FRMD5: variants seen among roughly 807,000 people sequenced by gnomAD.
FRMD5 encodes FERM domain-containing protein 5.
A neutral mutation model predicts 69.0 loss-of-function variants in FRMD5; 20 were observed. The observed-to-expected ratio is 0.29, with a 90% CI of 0.20 to 0.42. FRMD5 has a LOEUF of 0.42. Among genes scored for constraint, FRMD5 ranks in the 10% least tolerant of loss-of-function variants. The pLI, the probability that FRMD5 is intolerant of heterozygous loss-of-function variation, is 1.00. For missense variants in FRMD5, 595 were observed against 708.6 expected, an observed-to-expected ratio of 0.84 and a Z score of 1.82; for synonymous variants, 271 against 260.1, an observed-to-expected ratio of 1.04 and a Z score of -0.40.
At chr15:44,141,723 G>A (rs555674315) in intron 1 of FRMD5, among the ~76,000 whole-genome samples, 104 of 152,218 alleles carry the variant, frequency 6.8e-4, no homozygotes, top group African/African-American at 2.1e-3. Flanking sequence ...CTTGTAATTC[G>A]GAAGCTGCAG....
chr15:44,098,212 C>T (rs2140513431), intron 1 of FRMD5, among the ~76,000 whole-genome samples: 1 of 151,724 alleles, frequency 6.6e-6, no homozygotes, highest in East Asian at 1.9e-4. Context: ...CTTCAATGAA[C>T]AGGAAGCATA....
At chr15:44,079,284 A>C (rs1893899235) in intron 1 of FRMD5, among the ~76,000 whole-genome samples, 1 of 152,142 alleles carries the variant, frequency 6.6e-6, no homozygotes, top group South Asian at 2.1e-4. Flanking sequence ...AAATGTTGTC[A>C]AGGATATGGA....
intron 1 of FRMD5, among the ~76,000 whole-genome samples, chr15:44,021,575 T>C (rs759363588): frequency 6.6e-6 from 1 of 152,146 alleles, no homozygotes; most frequent in Non-Finnish European, 1.5e-5. Context: ...TACCAATCAT[T>C]AGGGAAATGC....
intron 7 of FRMD5, among the ~76,000 whole-genome samples, chr15:43,899,034 A>G (rs1045559369): frequency 5.3e-5 from 8 of 152,140 alleles, no homozygotes; most frequent in Admixed American, 6.5e-5. Flanking sequence ...TTAATTATCA[A>G]AATGATTCCT....
At chr15:44,075,585 T>G (rs755793054) in intron 1 of FRMD5, among the ~76,000 whole-genome samples, 5 of 152,186 alleles carry the variant, frequency 3.3e-5, no homozygotes, top group South Asian at 2.1e-4. Flanking sequence ...TAGACAGTAC[T>G]TTCCTTTTAA....
intron 1 of FRMD5, among the ~76,000 whole-genome samples, chr15:44,006,151 G>A (rs62023704): frequency 2.6e-5 from 4 of 152,122 alleles, no homozygotes; most frequent in Non-Finnish European, 5.9e-5. Flanking sequence ...GAGGCCCAAT[G>A]CTCATTTACC....
intron 1 of FRMD5, among the ~76,000 whole-genome samples, chr15:43,937,980 T>C (rs1046904143): frequency 2.0e-5 from 3 of 152,006 alleles, no homozygotes; most frequent in African/African-American, 7.2e-5. Context: ...GAGCCTACCA[T>C]GTGCAGGCTG....
At chr15:44,092,645 T>C (rs1366699581) in intron 1 of FRMD5, among the ~76,000 whole-genome samples, 1 of 152,180 alleles carries the variant, frequency 6.6e-6, no homozygotes, top group Non-Finnish European at 1.5e-5. Context: ...TATCTCCTAC[T>C]GCACCCTTGC....
intron 1 of FRMD5, among the ~76,000 whole-genome samples, chr15:44,051,582 T>C (rs1892669017): frequency 1.3e-5 from 2 of 152,100 alleles, no homozygotes; most frequent in Admixed American, 1.3e-4. Flanking sequence ...ATCCATACTT[T>C]ATTCACATTT....
chr15:44,174,154 T>C, intron 1 of FRMD5, among the ~76,000 whole-genome samples: 1 of 152,166 alleles, frequency 6.6e-6, no homozygotes, highest in East Asian at 1.9e-4. Context: ...AACCATGCAT[T>C]GCTCACTCAT....
chr15:44,029,285 C>T (rs1478894980), intron 1 of FRMD5, among the ~76,000 whole-genome samples: 3 of 151,300 alleles, frequency 2.0e-5, no homozygotes, highest in African/African-American at 7.3e-5. Context: ...CTGTTTAAAG[C>T]CCTTCGGATA....
At chr15:43,891,188 G>A (rs1363964391) in intron 8 of FRMD5, among the ~76,000 whole-genome samples, 1 of 152,158 alleles carries the variant, frequency 6.6e-6, no homozygotes, top group Non-Finnish European at 1.5e-5. Flanking sequence ...TGTTTGTATG[G>A]GCTGGCCAGC....
chr15:44,146,788 C>T (rs767477204), intron 1 of FRMD5, among the ~76,000 whole-genome samples: 3 of 151,978 alleles, frequency 2.0e-5, no homozygotes, highest in Non-Finnish European at 4.4e-5. Flanking sequence ...GGTGCATAAA[C>T]GTCTTCTTTT....
chr15:43,931,845 A>G (rs1566843435), intron 1 of FRMD5, among the ~76,000 whole-genome samples: 1 of 152,168 alleles, frequency 6.6e-6, no homozygotes, highest in Non-Finnish European at 1.5e-5. Context: ...GTCTGGGTGC[A>G]GTTTCCTTTT....
intron 13 of FRMD5, among the ~76,000 whole-genome samples, chr15:43,878,260 GA>G (rs567304930): frequency 7.4e-5 from 11 of 148,758 alleles, no homozygotes; most frequent in East Asian, 3.9e-4. Context: ...ATGTTGATGA[GA>G]AAAAAAAAAG....
intron 1 of FRMD5, among the ~76,000 whole-genome samples, chr15:44,148,302 C>T (rs898018078): frequency 4.6e-5 from 7 of 151,204 alleles, no homozygotes; most frequent in South Asian, 4.2e-4. Context: ...GACGGAGTCT[C>T]GCTCTGTCCC....
intron 1 of FRMD5, among the ~76,000 whole-genome samples, chr15:43,979,650 T>C (rs1245885081): frequency 2.0e-5 from 3 of 152,234 alleles, no homozygotes; most frequent in African/African-American, 7.2e-5. Flanking sequence ...AACTATTGGA[T>C]GATTTCTTTC....
intron 1 of FRMD5, among the ~76,000 whole-genome samples, chr15:44,146,761 T>C (rs1319315345): frequency 6.6e-6 from 1 of 152,218 alleles, no homozygotes; most frequent in Non-Finnish European, 1.5e-5. Context: ...GTTGAGCTTT[T>C]TTTCATATGT....
At chr15:44,108,332 C>T (rs2076748172) in intron 1 of FRMD5, among the ~76,000 whole-genome samples, 1 of 151,912 alleles carries the variant, frequency 6.6e-6, no homozygotes, top group African/African-American at 2.4e-5. Flanking sequence ...ACTCTGAGAT[C>T]TCTTTAAAAA....
Sources: gnomAD v4.1 joint callset for allele counts (sites outside exome capture counted in the v4.1 genomes callset) on GRCh38, gnomAD v4.1.1 for gene constraint, MANE v1.5 for transcripts, NCBI Gene and HGNC (gene_info 2026-07-23, HGNC 2026-07-21) for gene names.